Variants in BIVM observed in about 807,000 individuals in gnomAD.
BIVM encodes the protein basic, immunoglobulin-like variable motif containing.
A neutral mutation model predicts 61.4 loss-of-function variants in BIVM; 31 were observed. The ratio of observed to expected loss-of-function variants is 0.51; its 90% CI spans 0.38 to 0.68. BIVM has a LOEUF of 0.68. BIVM is among the 30% of genes least tolerant of loss of function. The pLI is 0.00. For missense variants in BIVM, 526 were observed against 596.0 expected, an observed-to-expected ratio of 0.88 and a Z score of 1.22; for synonymous variants, 189 against 210.7, an observed-to-expected ratio of 0.90 and a Z score of 0.89.
At chr13:102,799,952 T>G (rs1878632969) in intron 1 of BIVM, among the ~76,000 whole-genome samples, 1 of 152,084 alleles carries the variant, frequency 6.6e-6, no homozygotes, top group Admixed American at 6.5e-5. Context: ...CGCCTTCCCC[T>G]GCACGCCAGC....
chr13:102,830,639 C>T (rs1036534845), intron 7 of BIVM, among the ~76,000 whole-genome samples: 7 of 152,168 alleles, frequency 4.6e-5, no homozygotes, highest in African/African-American at 1.4e-4. Flanking sequence ...GAAGACTACT[C>T]CTCTAGCCTC....
chr13:102,805,014 T>G (rs1003146631), intron 1 of BIVM, among the ~76,000 whole-genome samples: 3 of 152,204 alleles, frequency 2.0e-5, no homozygotes, highest in Non-Finnish European at 4.4e-5. Context: ...TTGATACTAT[T>G]TTTGGTAACC....
chr13:102,831,310 G>A (rs1371262639), intron 7 of BIVM, among the ~76,000 whole-genome samples: 6 of 152,170 alleles, frequency 3.9e-5, no homozygotes, highest in Admixed American at 3.9e-4. Flanking sequence ...GTTATTAGAA[G>A]GTTTTGGTAA....
chr13:102,833,316 G>A (rs1881227909), intron 8 of BIVM, among the ~76,000 whole-genome samples: 1 of 77,678 alleles, frequency 1.3e-5, no homozygotes, highest in South Asian at 5.1e-4. Context: ...TTGGTCATGG[G>A]GATAGGATGG....
rs1190558848 is a variant in BIVM at position 102,831,606 on chromosome 13, G to A, written c.943G>A (p.Glu315Lys). The A allele has an allele frequency of 6.2e-7, 1 of 1,614,074 alleles. No individual in the cohort carries two copies. The highest frequency in any genetic ancestry group is 1.7e-5 in the Admixed American group (1 of 60,006). Reference sequence around the variant, plus strand: ...AAAGTTAACCCGTGGATTGAAAGATGAATCGCTGGCTTATATCTATCATTG... The same window carrying A: ...AAAGTTAACCCGTGGATTGAAAGATAAATCGCTGGCTTATATCTATCATTG... ...LSKLTRGLKD[E>K]SLAYIYHCQN... Residue 315 changes from glutamate to lysine, a missense_variant, in exon 8 of 11, where the codon GAA (glutamate) becomes AAA (lysine). By Grantham distance (56) the Glu-to-Lys change is moderately conservative (BLOSUM62 1). This residue lies in a region of BIVM where 210 missense variants were observed against 233.1 expected (regional missense o/e 0.90). Coordinates refer to ENST00000257336, the MANE Select transcript of BIVM (RefSeq NM_017693.4).
chr13:102,829,318 A>G (rs914620464), intron 7 of BIVM, among the ~76,000 whole-genome samples: 2 of 152,164 alleles, frequency 1.3e-5, no homozygotes, highest in East Asian at 1.9e-4. Context: ...GCTCTTCTCC[A>G]TGCAGCAGGC....
At chr13:102,814,421 C>G (rs997466924) in intron 3 of BIVM, among the ~76,000 whole-genome samples, 1 of 152,004 alleles carries the variant, frequency 6.6e-6, no homozygotes, top group African/African-American at 2.4e-5. Context: ...CGAGATTCAA[C>G]AAAAAGAGAA....
chr13:102,826,810 T>C (rs879190368), intron 7 of BIVM, among the ~76,000 whole-genome samples: 3 of 152,016 alleles, frequency 2.0e-5, no homozygotes, highest in Admixed American at 6.6e-5. Context: ...AGTGAGAGGA[T>C]AGATGAAGAG....
rs5806325 is a variant in BIVM at position 102,840,290 on chromosome 13, T to TA, written c.*433dup. ...CAAGATGTAAAGTACCATCTGCCCTTAAAAAAAATTGGGGCTGTCAATTTC... is the reference window on the plus strand; with the variant it reads ...CAAGATGTAAAGTACCATCTGCCCTTAAAAAAAAATTGGGGCTGTCAATTTC... On this transcript the variant is annotated 3_prime_UTR_variant, in exon 11 of 11. Coordinates refer to ENST00000257336, the MANE Select transcript of BIVM (RefSeq NM_017693.4). The TA allele has an allele frequency of 1, 152,629 of 153,040 alleles. 76,110 individuals are homozygous for TA. Among genetic ancestry groups the TA allele is most frequent in the Middle Eastern group, 1 (298 of 298 alleles). 9.5% of individuals were successfully genotyped at this position (153,040 alleles called of 1,614,324 possible).
intron 1 of BIVM, among the ~76,000 whole-genome samples, chr13:102,800,100 C>A (rs1404039469): frequency 1.3e-5 from 2 of 152,224 alleles, no homozygotes; most frequent in East Asian, 3.9e-4. Context: ...TGGCTCCGAG[C>A]CAAGGCGGGC....
At chr13:102,826,159 C>T (rs933042175) in intron 7 of BIVM, among the ~76,000 whole-genome samples, 18 of 152,138 alleles carry the variant, frequency 1.2e-4, no homozygotes, top group Non-Finnish European at 2.2e-4. Context: ...TTTGCAAGAG[C>T]TCTCTCTTGT....
chr13:102,814,792 C>A (rs1879750787), intron 3 of BIVM, among the ~76,000 whole-genome samples: 1 of 152,060 alleles, frequency 6.6e-6, no homozygotes, highest in Non-Finnish European at 1.5e-5. Flanking sequence ...ACTTGTAATC[C>A]CAGCATTTTG....
intron 5 of BIVM, among the ~76,000 whole-genome samples, chr13:102,821,469 G>A (rs1880280429): frequency 6.6e-6 from 1 of 151,984 alleles, no homozygotes; most frequent in South Asian, 2.1e-4. Context: ...AGGCACAATG[G>A]CATGTACTTG....
chr13:102,799,685 C>T (rs1878611796), intron 1 of BIVM, among the ~76,000 whole-genome samples, 164 bp downstream of exon 1: 1 of 152,238 alleles, frequency 6.6e-6, no homozygotes, highest in Non-Finnish European at 1.5e-5. Context: ...CCGGCCTGGG[C>T]TGCCAGGGGT....
At chr13:102,822,241 C>A in intron 7 of BIVM, 82 bp downstream of exon 7, 3 of 1,338,180 alleles carry the variant, frequency 2.2e-6, no homozygotes, top group African/African-American at 1.5e-5. Context: ...TAGAGTTCGT[C>A]TCAAAGACTG....
At chr13:102,808,475 C>T (rs1879255622) in intron 3 of BIVM, among the ~76,000 whole-genome samples, 1 of 152,136 alleles carries the variant, frequency 6.6e-6, no homozygotes, top group South Asian at 2.1e-4. Flanking sequence ...CTAGTCTTCT[C>T]TGATGATTTT....
chr13:102,802,883 T>C (rs766425703), intron 1 of BIVM, among the ~76,000 whole-genome samples: 2 of 152,008 alleles, frequency 1.3e-5, no homozygotes, highest in African/African-American at 2.4e-5. Flanking sequence ...AGCATAGATA[T>C]TACAGGTATG....
intron 7 of BIVM, among the ~76,000 whole-genome samples, chr13:102,829,368 G>A (rs760983511): frequency 6.6e-5 from 10 of 152,098 alleles, no homozygotes; most frequent in Non-Finnish European, 1.3e-4. Context: ...TCTCTATGCC[G>A]TGCAGATCAT....
At position 102,799,155 on chromosome 13, in the gene BIVM, T is replaced by C. The variant is rs774517545; in HGVS notation, c.-573T>C. The C allele has an allele frequency of 1.3e-5, 5 of 392,664 alleles. No individual in the cohort carries two copies. The highest frequency in any genetic ancestry group is 2.2e-5 in the Non-Finnish European group (5 of 222,900). The allele number at this position is 392,664 out of a possible 1,614,324, so 24.3% of individuals were successfully genotyped here. ...GGACGAGCGGAAATACTGCCAGGAT[T>C]TTACCACCTCTCGCCCATTTATTTA... On this transcript the variant is annotated 5_prime_UTR_variant, in exon 1 of 11. Transcript: ENST00000257336.
Sources: allele counts gnomAD v4.1 joint callset (sites outside exome capture counted in the v4.1 genomes callset), GRCh38; gene constraint gnomAD v4.1.1; regional missense constraint gnomAD v4.1.1; transcripts MANE v1.5; gene names NCBI Gene and HGNC (gene_info 2026-07-23, HGNC 2026-07-21).